The following PCDHGA9 variants were observed in gnomAD, a reference collection of about 807,000 sequenced individuals.
The protein encoded by PCDHGA9 is protocadherin gamma-A9.
In PCDHGA9, 37 loss-of-function variants were observed where a neutral mutation model predicts 62.5. The ratio of observed to expected loss-of-function variants is 0.59; its 90% CI spans 0.46 to 0.78. The LOEUF (loss-of-function observed/expected upper bound fraction) is 0.78, where lower values mean the gene tolerates loss of function less well. Ranked by LOEUF, PCDHGA9 falls within the 30% of genes least tolerant of loss-of-function variation. The pLI, the probability that PCDHGA9 is intolerant of heterozygous loss-of-function variation, is 0.00. For synonymous variants in PCDHGA9, 459 were observed against 484.6 expected, an observed-to-expected ratio of 0.95 and a Z score of 0.69; for missense variants, 1,138 against 1,166.2, an observed-to-expected ratio of 0.98 and a Z score of 0.35.
intron 1 of PCDHGA9, among the ~76,000 whole-genome samples, chr5:141,460,110 A>G (rs966038979): frequency 2.0e-5 from 3 of 151,894 alleles, no homozygotes; most frequent in African/African-American, 7.2e-5. Context: ...ATTATATATG[A>G]TTTTTATATA....
At chr5:141,503,598 CAAAAAAAAAAAA>C (rs765754054) in intron 2 of PCDHGA9, among the ~76,000 whole-genome samples, 11 of 65,762 alleles carry the variant, frequency 1.7e-4, no homozygotes, top group Admixed American at 3.4e-4. Context: ...GACTCCAGCT[CAAAAAAAAAAAA>C]AAAAGAAAAA....
At chr5:141,501,290 TACAC>T (rs55762287) in intron 2 of PCDHGA9, among the ~76,000 whole-genome samples, 45,565 of 135,778 alleles carry the variant, frequency 0.34, 7,845 homozygotes, top group Non-Finnish European at 0.42. Flanking sequence ...TATTCCCTTA[TACAC>T]ACACACACAC....
chr5:141,437,377 A>G (rs1021305426), intron 1 of PCDHGA9, among the ~76,000 whole-genome samples: 3 of 152,246 alleles, frequency 2.0e-5, no homozygotes, highest in Non-Finnish European at 2.9e-5. Flanking sequence ...AATCAGTCAG[A>G]AGACATTCAT....
chr5:141,422,304 A>C (rs1265775894), intron 1 of PCDHGA9: 2 of 1,548,406 alleles, frequency 1.3e-6, no homozygotes. Context: ...CAATTCTGGA[A>C]AACTCTCCTC....
At chr5:141,507,183 C>T (rs2099859036) in intron 3 of PCDHGA9, 1 of 152,428 alleles carries the variant, frequency 6.6e-6, no homozygotes, top group Non-Finnish European at 1.5e-5. Flanking sequence ...TCCTCGAGCT[C>T]TGCTTTATTC....
At chr5:141,495,089 C>G (rs1440289878) in intron 2 of PCDHGA9, among the ~76,000 whole-genome samples, 2 of 152,284 alleles carry the variant, frequency 1.3e-5, no homozygotes, top group East Asian at 3.9e-4. Flanking sequence ...TGCCCCTTCC[C>G]TCCTCGCCAC....
chr5:141,431,505 C>T lies in PCDHGA9; in HGVS notation c.2424+26129C>T. 1.2e-6 allele frequency: 2 copies of T among 1,614,018 alleles called. No individual in the cohort carries two copies. The highest frequency in any genetic ancestry group is 1.7e-6 in the Non-Finnish European group (2 of 1,180,028). On this transcript the variant is annotated intron_variant, in intron 1 of 3. Coordinates refer to ENST00000573521, the MANE Select transcript of PCDHGA9 (RefSeq NM_018921.3). This position sits in a 1 kb window ranked among gnomAD's most constrained non-coding sequence, Gnocchi z 4.8. ...GCGTTTGCTCAGCCCGAGTACCGCG[C>T]GAGCGTTCCGGAGAATCTGGCCTTG...
chr5:141,412,154 A>G (rs528810323), intron 1 of PCDHGA9: 1 of 152,344 alleles, frequency 6.6e-6, no homozygotes, highest in Admixed American at 6.5e-5. Flanking sequence ...ACTGCCTAAG[A>G]GAAGAGATTA....
intron 1 of PCDHGA9, chr5:141,478,925 G>T: frequency 1.4e-6 from 1 of 700,562 alleles, no homozygotes; most frequent in Non-Finnish European, 2.2e-6. Context: ...TCTAACCAGT[G>T]GCAGCTTCTA....
chr5:141,422,422 T>TA, intron 1 of PCDHGA9: 1 of 1,607,804 alleles, frequency 6.2e-7, no homozygotes, highest in Non-Finnish European at 8.5e-7. Flanking sequence ...AGAAAAGACT[T>TA]ATGGAAATTA....
chr5:141,468,055 T>G (rs2099156893), intron 1 of PCDHGA9, among the ~76,000 whole-genome samples: 1 of 152,096 alleles, frequency 6.6e-6, no homozygotes, highest in Admixed American at 6.5e-5. Flanking sequence ...CCGGGCACAG[T>G]GGCTCACACC....
chr5:141,481,348 T>C (rs2099536105), intron 1 of PCDHGA9, among the ~76,000 whole-genome samples: 1 of 152,250 alleles, frequency 6.6e-6, no homozygotes, highest in Non-Finnish European at 1.5e-5. Flanking sequence ...TATTTAAACA[T>C]CTACAGCTGT....
intron 1 of PCDHGA9, among the ~76,000 whole-genome samples, chr5:141,434,742 G>A (rs1177333213): frequency 6.6e-6 from 1 of 151,500 alleles, no homozygotes; most frequent in Non-Finnish European, 1.5e-5. Context: ...TGAAGGCTAT[G>A]AGACCCCTGA....
In PCDHGA9 at chr5:141,422,440, T is replaced by G. The variant is rs1028472076; in HGVS notation, c.2424+17064T>G. 11 of 1,610,116 alleles carry G rather than the reference T, an allele frequency of 6.8e-6. No homozygotes were observed. The highest frequency in any genetic ancestry group is 2.7e-5 in the African/African-American group (2 of 74,560). On this transcript the variant is annotated intron_variant, in intron 1 of 3. Transcript: ENST00000573521. ...AAAGACTTATGGAAATTATTACAAATTGATAACAAGCAGAGTGCTGGACAG... is the reference window on the plus strand; with the variant it reads ...AAAGACTTATGGAAATTATTACAAAGTGATAACAAGCAGAGTGCTGGACAG...
chr5:141,422,432 A>G, intron 1 of PCDHGA9: 1 of 1,609,448 alleles, frequency 6.2e-7, no homozygotes, highest in Non-Finnish European at 8.5e-7. Context: ...TATGGAAATT[A>G]TTACAAATTG....
At chr5:141,429,796 A>C (rs2097245618) in intron 1 of PCDHGA9, among the ~76,000 whole-genome samples, 1 of 152,216 alleles carries the variant, frequency 6.6e-6, no homozygotes, top group Non-Finnish European at 1.5e-5. Flanking sequence ...ATTACCAGTA[A>C]TTCTCAGTAA....
chr5:141,505,803 C>T (rs920849273), intron 3 of PCDHGA9, among the ~76,000 whole-genome samples: 29 of 152,116 alleles, frequency 1.9e-4, no homozygotes, highest in African/African-American at 6.5e-4. Flanking sequence ...GGACTTGGAT[C>T]GACTTGCTCA....
At position 141,404,798 on chromosome 5, in the gene PCDHGA9, C is replaced by T. The variant is rs1422774939; in HGVS notation, c.1846C>T (p.Leu616Phe). ...YRLFKASEPGLFSVGLHTGEV... is the reference protein window; with the variant it reads ...YRLFKASEPGFFSVGLHTGEV... Reference sequence around the variant, plus strand: ...CCTATTCAAGGCCAGTGAGCCAGGGCTCTTCTCGGTGGGGCTGCACACAGG... The same window carrying T: ...CCTATTCAAGGCCAGTGAGCCAGGGTTCTTCTCGGTGGGGCTGCACACAGG... The change falls in exon 1 of 4, where the codon CTC (leucine) becomes TTC (phenylalanine). Residue 616 changes from leucine (L) to phenylalanine (F), a missense_variant. Coordinates refer to ENST00000573521, the MANE Select transcript of PCDHGA9 (RefSeq NM_018921.3). 2 of 1,613,842 alleles carry T rather than the reference C, an allele frequency of 1.2e-6. No individual in the cohort carries two copies. Among genetic ancestry groups the T allele is most frequent in the Admixed American group, 1.7e-5 (1 of 59,988 alleles).
At chr5:141,497,050 G>T (rs113054804) in intron 2 of PCDHGA9, among the ~76,000 whole-genome samples, 5,544 of 152,084 alleles carry the variant, frequency 0.036, 137 homozygotes, top group South Asian at 0.074. Context: ...TTAGCCAGGC[G>T]TGGTGGCAGG....
Sources: allele counts gnomAD v4.1 joint callset (sites outside exome capture counted in the v4.1 genomes callset), GRCh38; gene constraint gnomAD v4.1.1; non-coding constraint Gnocchi (gnomAD v3.1); transcripts MANE v1.5; gene names NCBI Gene and HGNC (gene_info 2026-07-23, HGNC 2026-07-21).